Variants in GRIN2B observed in about 807,000 individuals in gnomAD.
GRIN2B encodes glutamate receptor ionotropic, NMDA 2B.
GRIN2B carries 5 observed loss-of-function variants against 114.5 expected under a neutral mutation model. The observed-to-expected ratio is 0.04, with a 90% confidence interval of 0.02 to 0.09. The LOEUF (loss-of-function observed/expected upper bound fraction) is 0.09, where lower values mean the gene tolerates loss of function less well. GRIN2B is among the 10% of genes least tolerant of loss of function. GRIN2B has a pLI of 1.00. For synonymous variants in GRIN2B, 787 were observed against 745.1 expected, an observed-to-expected ratio of 1.06 and a Z score of -0.92; for missense variants, 1,108 against 1,943.5, an observed-to-expected ratio of 0.57 and a Z score of 8.08.
intron 2 of GRIN2B, among the ~76,000 whole-genome samples, chr12:13,958,731 T>C (rs1392876614): frequency 1.3e-5 from 2 of 152,052 alleles, no homozygotes; most frequent in Non-Finnish European, 2.9e-5. Flanking sequence ...ATGTTCTCCT[T>C]CTCCTCTTTC....
chr12:13,917,403 C>T (rs1349694508), intron 2 of GRIN2B, among the ~76,000 whole-genome samples: 1 of 152,106 alleles, frequency 6.6e-6, no homozygotes, highest in East Asian at 1.9e-4. Flanking sequence ...AGCTGGAGAC[C>T]CTCTGGGTGG....
At chr12:13,954,812 A>AAAAAAAAAAAAAAAAAAAAC in intron 2 of GRIN2B, among the ~76,000 whole-genome samples, 1 of 68,856 alleles carries the variant, frequency 1.5e-5, no homozygotes, top group Non-Finnish European at 2.7e-5. Context: ...CCGTCTCAGG[A>AAAAAAAAAAAAAAAAAAAAC]AAAAAAAAAA....
intron 2 of GRIN2B, among the ~76,000 whole-genome samples, chr12:13,963,929 G>A (rs1867743774): frequency 6.6e-6 from 1 of 152,154 alleles, no homozygotes; most frequent in African/African-American, 2.4e-5. Context: ...GAAAGGTAAA[G>A]AGAGAATCCA....
chr12:13,708,709 T>C (rs1950385933), intron 4 of GRIN2B, among the ~76,000 whole-genome samples: 1 of 152,108 alleles, frequency 6.6e-6, no homozygotes, highest in African/African-American at 2.4e-5. Flanking sequence ...AACTGGTACA[T>C]ACACAGAGAG....
At chr12:13,717,717 C>T (rs757952784) in intron 4 of GRIN2B, among the ~76,000 whole-genome samples, 1 of 151,990 alleles carries the variant, frequency 6.6e-6, no homozygotes, top group Non-Finnish European at 1.5e-5. Flanking sequence ...ACTACCTATA[C>T]CTTCACTGTC....
rs139049965 is a variant in GRIN2B, at chr12:13,854,368, G to A, written c.411+11430C>T. On this transcript the variant is annotated intron_variant, in intron 3 of 13. Transcript: ENST00000609686. Reference sequence around the variant, plus strand: ...CTATTAAAAACACAAAAAATAACTCGGTGTGGTGGTGAGTGCCTATAATCC... The same window carrying A: ...CTATTAAAAACACAAAAAATAACTCAGTGTGGTGGTGAGTGCCTATAATCC... Among the ~76,000 whole-genome samples the A allele has an allele frequency of 7.9e-4, 120 of 152,126 alleles. 3 individuals are homozygous for A. The highest frequency in any genetic ancestry group is 2.0e-3 in the Admixed American group (30 of 15,272).
chr12:13,909,366 G>T (rs1442292995), intron 2 of GRIN2B, among the ~76,000 whole-genome samples: 2 of 152,202 alleles, frequency 1.3e-5, no homozygotes, highest in East Asian at 3.9e-4. Flanking sequence ...AAAGTCTATT[G>T]TTTATGTTGA....
In GRIN2B at chr12:13,543,224, C is replaced by T. The variant is rs73290081; in HGVS notation, c.*19559G>A. The T allele has an allele frequency of 0.012, 1,796 of 152,312 alleles. 38 individuals are homozygous for T. The highest frequency in any genetic ancestry group is 0.041 in the African/African-American group (1,683 of 41,466). The allele number at this position is 152,312 out of a possible 1,614,324, so 9.4% of individuals were successfully genotyped here. ...TCTATCTTATCTCAGCCCACCACCC[C>T]AACAACAGACCCCAAACCACCAATA... On this transcript the variant is annotated 3_prime_UTR_variant, in exon 14 of 14. Transcript: ENST00000609686.
At chr12:13,705,272 G>A (rs1950349990) in intron 4 of GRIN2B, among the ~76,000 whole-genome samples, 1 of 152,004 alleles carries the variant, frequency 6.6e-6, no homozygotes, top group Non-Finnish European at 1.5e-5. Context: ...GGAAATAAAT[G>A]CCATATGATC....
chr12:13,592,054 T>A (rs534605925), intron 10 of GRIN2B, among the ~76,000 whole-genome samples: 1 of 152,338 alleles, frequency 6.6e-6, no homozygotes, highest in East Asian at 1.9e-4. Flanking sequence ...ACATAATTAT[T>A]GAAAGCATGT....
chr12:13,804,994 A>T (rs923836783), intron 3 of GRIN2B, among the ~76,000 whole-genome samples: 10 of 152,332 alleles, frequency 6.6e-5, no homozygotes, highest in African/African-American at 2.4e-4. Context: ...CGCAATACAC[A>T]GACATACACA....
At chr12:13,816,906 G>C (rs1244479037) in intron 3 of GRIN2B, among the ~76,000 whole-genome samples, 1 of 152,058 alleles carries the variant, frequency 6.6e-6, no homozygotes, top group African/African-American at 2.4e-5. Context: ...CTTGAAATTG[G>C]AAAAATACAA....
intron 10 of GRIN2B, among the ~76,000 whole-genome samples, chr12:13,574,030 A>G (rs1305167835): frequency 6.6e-6 from 1 of 152,236 alleles, no homozygotes; most frequent in African/African-American, 2.4e-5. Flanking sequence ...AAGACACTAC[A>G]AAAGAGTAAG....
At chr12:13,862,824 G>C (rs1016604794) in intron 3 of GRIN2B, among the ~76,000 whole-genome samples, 1 of 152,074 alleles carries the variant, frequency 6.6e-6, no homozygotes, top group Non-Finnish European at 1.5e-5. Context: ...ATGGCTGCTG[G>C]GAAGTTTGCT....
chr12:13,639,150 T>A (rs1279509654), intron 5 of GRIN2B, among the ~76,000 whole-genome samples: 1 of 152,118 alleles, frequency 6.6e-6, no homozygotes, highest in African/African-American at 2.4e-5. Flanking sequence ...CAATTGTCTC[T>A]ACCAAAGCCA....
intron 2 of GRIN2B, among the ~76,000 whole-genome samples, chr12:13,943,510 C>T (rs219915): frequency 6.6e-6 from 1 of 151,868 alleles, no homozygotes; most frequent in Non-Finnish European, 1.5e-5. Context: ...CAAAGCCCTA[C>T]GTGAACTGGC....
chr12:13,598,806 C>T (rs982151354), intron 10 of GRIN2B, among the ~76,000 whole-genome samples: 13 of 152,136 alleles, frequency 8.5e-5, no homozygotes, highest in African/African-American at 2.9e-4. Flanking sequence ...ATTTTGATAT[C>T]AATGAACTGT....
chr12:13,819,473 T>G (rs1864891191), intron 3 of GRIN2B, among the ~76,000 whole-genome samples: 1 of 152,170 alleles, frequency 6.6e-6, no homozygotes, highest in Admixed American at 6.5e-5. Context: ...TGAAAGGGAA[T>G]ATATAATAAA....
chr12:13,739,076 T>C (rs777353670), intron 4 of GRIN2B, among the ~76,000 whole-genome samples: 1 of 152,028 alleles, frequency 6.6e-6, no homozygotes, highest in Non-Finnish European at 1.5e-5. Context: ...TAGAAGACTC[T>C]TGTATCTGAA....
Sources: allele counts gnomAD v4.1 joint callset (sites outside exome capture counted in the v4.1 genomes callset), GRCh38; gene constraint gnomAD v4.1.1; transcripts MANE v1.5; gene names NCBI Gene and HGNC (gene_info 2026-07-23, HGNC 2026-07-21).